Variants in URGCP observed in about 807,000 individuals in gnomAD.
URGCP encodes the protein upregulator of cell proliferation.
A neutral mutation model predicts 24.6 loss-of-function variants in URGCP; 13 were observed. That is an observed-to-expected ratio of 0.53 (90% CI 0.34 to 0.84). The LOEUF (loss-of-function observed/expected upper bound fraction) is 0.84. URGCP is among the 40% of genes least tolerant of loss of function. URGCP has a pLI of 0.01. For missense variants in URGCP, 899 were observed against 1,194.3 expected (o/e 0.75, Z 3.64); for synonymous variants, 444 against 487.2 (o/e 0.91, Z 1.17).
At position 43,906,568 on chromosome 7, in the gene URGCP, G is replaced by A. The variant is rs2095903481; in HGVS notation, c.8C>T (p.Ser3Leu). 8.1e-7 allele frequency: 1 copy of A among 1,242,180 alleles called. No individual in the cohort carries two copies. Among genetic ancestry groups the A allele is most frequent in the Non-Finnish European group, 1.0e-6 (1 of 985,278 alleles). The allele number at this position is 1,242,180 out of a possible 1,614,324, so 76.9% of individuals were successfully genotyped here. ...CCTGCGAGGCGGCACTCACCCGGGCGACGCCATGAGCGCAGCGAGGTCTCC... is the reference window on the plus strand; with the variant it reads ...CCTGCGAGGCGGCACTCACCCGGGCAACGCCATGAGCGCAGCGAGGTCTCC... MASPGIEVELLGK... is the reference protein window; with the variant it reads MALPGIEVELLGK... The change falls in exon 1 of 6, where the codon TCG becomes TTG. Residue 3 changes from serine (S) to leucine (L), a missense_variant. Coordinates refer to ENST00000453200, the MANE Select transcript of URGCP (RefSeq NM_001077663.3).
intron 1 of URGCP, among the ~76,000 whole-genome samples, chr7:43,902,889 T>C (rs992710492): frequency 6.6e-6 from 1 of 152,184 alleles, no homozygotes; most frequent in Non-Finnish European, 1.5e-5. Context: ...GTACTCTACA[T>C]GTCCAGAGTG....
At chr7:43,887,194 T>TA (rs1319028316) in intron 3 of URGCP, among the ~76,000 whole-genome samples, 111 of 151,838 alleles carry the variant, frequency 7.3e-4, no homozygotes, top group Middle Eastern at 3.4e-3. Flanking sequence ...GTGTTGCCCA[T>TA]AAAAAAAACA....
chr7:43,911,339 T>C (rs1054405436), upstream of URGCP, among the ~76,000 whole-genome samples: 1 of 151,918 alleles, frequency 6.6e-6, no homozygotes, highest in Non-Finnish European at 1.5e-5. Flanking sequence ...AGGTGGAGGT[T>C]GCAGAGAGCT....
Position 43,879,039 on chromosome 7 carries a change from CG to C in URGCP, c.423del (p.Asp141GlufsTer41). On this transcript the variant is annotated frameshift_variant, in exon 6 of 6. Transcript: ENST00000453200. LOFTEE classifies it low-confidence loss of function (END_TRUNC). ...TGGCTCTCCTTCTCCACAGGCCTGGCGTCTGGGAGCACGTCCAGCACCATAG... is the reference window on the plus strand; with the variant it reads ...TGGCTCTCCTTCTCCACAGGCCTGGCTCTGGGAGCACGTCCAGCACCATAG... ...NTTMVLDVLP[D>X]ARPVEKESQM... 6.2e-7 allele frequency: 1 copy of C among 1,614,188 alleles called. No homozygotes were observed. The highest frequency in any genetic ancestry group is 8.5e-7 in the Non-Finnish European group (1 of 1,180,028).
intron 1 of URGCP, among the ~76,000 whole-genome samples, chr7:43,915,292 G>A (rs1454451386): frequency 6.6e-6 from 1 of 152,106 alleles, no homozygotes. Context: ...GAGGAGGGAT[G>A]AGTAAAATGC....
At chr7:43,883,510 G>A (rs897239887) in intron 3 of URGCP, among the ~76,000 whole-genome samples, 14 of 151,300 alleles carry the variant, frequency 9.3e-5, no homozygotes, top group East Asian at 1.9e-4. Context: ...ACAGGCGCCC[G>A]CCACCACACC....
rs761267095 is a variant in URGCP at position 43,881,634 on chromosome 7, G to A, written c.202+25C>T. On this transcript the variant is annotated intron_variant, in intron 5 of 5. Coordinates refer to ENST00000453200, the MANE Select transcript of URGCP (RefSeq NM_001077663.3). ...TGATAACCCCCTTTCATAGAACAGAGAGAAAAGGCAGAGAAAATGCTTACC... is the reference window on the plus strand; with the variant it reads ...TGATAACCCCCTTTCATAGAACAGAAAGAAAAGGCAGAGAAAATGCTTACC... The A allele has an allele frequency of 1.1e-5, 18 of 1,613,942 alleles. No individual in the cohort carries two copies. The South Asian group carries it at 1.8e-4, about 16-fold the overall frequency.
chr7:43,923,935 T>A (rs559432819), intron 1 of URGCP, among the ~76,000 whole-genome samples: 229 of 152,234 alleles, frequency 1.5e-3, no homozygotes, highest in African/African-American at 5.4e-3. Flanking sequence ...AGTGGTGCAA[T>A]CTCAGCTCAC....
intron 1 of URGCP, among the ~76,000 whole-genome samples, chr7:43,897,147 G>C (rs561967712): frequency 5.3e-5 from 8 of 152,186 alleles, no homozygotes; most frequent in Admixed American, 5.2e-4. Context: ...AGGCTGCAGT[G>C]AGCCGTGATC....
intron 4 of URGCP, 100 bp downstream of exon 4, chr7:43,881,807 C>A: frequency 6.2e-7 from 1 of 1,606,334 alleles, no homozygotes; most frequent in Non-Finnish European, 8.5e-7. Context: ...AAGATGGCAA[C>A]TTCTCCCAAT....
Position 43,879,169 on chromosome 7 carries a change from G to C in URGCP, c.294C>G (p.Ile98Met). 1.2e-6 allele frequency: 2 copies of C among 1,614,084 alleles called. No individual in the cohort carries two copies. The highest frequency in any genetic ancestry group is 8.5e-7 in the Non-Finnish European group (1 of 1,180,038). The change falls in exon 6 of 6, where the codon ATC (isoleucine) becomes ATG (methionine). Residue 98 changes from isoleucine (I) to methionine (M), a missense_variant. Coordinates refer to ENST00000453200, the MANE Select transcript of URGCP (RefSeq NM_001077663.3). ...QKLSLQDSLQ[I>M]SFDSMKNWAP... The stretch of plus-strand genomic sequence containing the variant: ...CCCAGTTCTTCATACTGTCAAAACT[G>C]ATCTGCAGAGAGTCCTGGAGGCTGA...
Position 43,878,953 on chromosome 7 carries a change from G to C in URGCP, c.510C>G (p.Ser170=). ...PADDLAADIY[S]FSELPTPDTP... ...TATCAGGGGTGGGCAGCTCAGAAAA[G>C]GAATAAATGTCGGCAGCAAGGTCAT... The change falls in exon 6 of 6, where the codon TCC becomes TCG. Residue 170 remains serine (S), a synonymous_variant. Coordinates refer to ENST00000453200, the MANE Select transcript of URGCP (RefSeq NM_001077663.3). This position sits in a 1 kb window ranked among gnomAD's most constrained non-coding sequence, Gnocchi z 5.6. 1 of 1,614,232 alleles carries C rather than the reference G, an allele frequency of 6.2e-7. No individual in the cohort carries two copies. Among genetic ancestry groups the C allele is most frequent in the Non-Finnish European group, 8.5e-7 (1 of 1,180,056 alleles).
upstream of URGCP, chr7:43,926,676 G>T: frequency 2.7e-6 from 3 of 1,115,412 alleles, no homozygotes; most frequent in South Asian, 5.2e-5. Flanking sequence ...ACACCTGCCT[G>T]GGAAGGAGGC....
intron 1 of URGCP, chr7:43,919,434 C>T: frequency 1.1e-6 from 1 of 917,998 alleles, no homozygotes; most frequent in East Asian, 2.4e-5. Context: ...CCTGCGCTAC[C>T]CCAGCTACAT....
chr7:43,892,365 C>T (rs2132680208), intron 1 of URGCP, among the ~76,000 whole-genome samples: 1 of 151,248 alleles, frequency 6.6e-6, no homozygotes, highest in East Asian at 2.0e-4. Flanking sequence ...ATGATCTGCC[C>T]ACCTCGGCCT....
intron 1 of URGCP, among the ~76,000 whole-genome samples, chr7:43,904,871 T>C (rs1047346989): frequency 5.9e-5 from 9 of 152,196 alleles, no homozygotes; most frequent in African/African-American, 1.4e-4. Flanking sequence ...ATGAATACTG[T>C]AGGCAACTAA....
At chr7:43,904,475 C>G (rs1053799787) in intron 1 of URGCP, among the ~76,000 whole-genome samples, 4 of 152,190 alleles carry the variant, frequency 2.6e-5, no homozygotes, top group African/African-American at 9.7e-5. Flanking sequence ...TATCTGTGGA[C>G]TTGCTCCCTA....
Position 43,876,539 on chromosome 7 carries a change from C to G in URGCP, c.*128G>C, listed in dbSNP as rs1468405. The G allele has an allele frequency of 0.69, 711,850 of 1,029,016 alleles. 247,372 individuals carry two copies. Among genetic ancestry groups the G allele is most frequent in the African/African-American group, 0.8 (49,690 of 62,326 alleles). The allele number at this position is 1,029,016 out of a possible 1,614,324, so 63.7% of individuals were successfully genotyped here. On this transcript the variant is annotated 3_prime_UTR_variant, in exon 6 of 6. Coordinates refer to ENST00000453200, the MANE Select transcript of URGCP (RefSeq NM_001077663.3). ...GAGGAGACTCCAAACCCTGTCTTTT[C>G]CTCGTCTTCTCATGTCGATTGGGCA...
Position 43,878,685 on chromosome 7 carries a change from C to A in URGCP, c.778G>T (p.Ala260Ser). The A allele has an allele frequency of 6.2e-7, 1 of 1,613,834 alleles. No individual in the cohort carries two copies. The highest frequency in any genetic ancestry group is 1.1e-5 in the South Asian group (1 of 91,090). Residue 260 changes from alanine to serine, a missense_variant, in exon 6 of 6, where the codon GCG becomes TCG. Transcript: ENST00000453200. The surrounding 1 kb of genome is among the most constrained non-coding windows in gnomAD (Gnocchi z 5.6). The part of the protein sequence containing the change: ...FREDSVVLSR[A>S]PAFAFVRMDV... ...ATGCGCACGAAGGCGAAGGCGGGCG[C>A]CCTGGACAAGACCACGCTGTCTTCC...
Sources: gnomAD v4.1 joint callset for allele counts (sites outside exome capture counted in the v4.1 genomes callset) on GRCh38, gnomAD v4.1.1 for gene constraint, Gnocchi (gnomAD v3.1) non-coding constraint, MANE v1.5 for transcripts, NCBI Gene and HGNC (gene_info 2026-07-23, HGNC 2026-07-21) for gene names.